Variants in CLIP2 observed in about 807,000 individuals in gnomAD.
The protein encoded by CLIP2 is CAP-Gly domain containing linker protein 2.
CLIP2 carries 41 observed loss-of-function variants against 111.7 expected under a neutral mutation model. The observed-to-expected ratio is 0.37, with a 90% CI of 0.29 to 0.48. The LOEUF is 0.48. Ranked by LOEUF, CLIP2 falls within the 20% of genes least tolerant of loss-of-function variation. The pLI, the probability that CLIP2 is intolerant of heterozygous loss-of-function variation, is 0.99. For synonymous variants in CLIP2, 660 were observed against 644.2 expected, an observed-to-expected ratio of 1.02 and a Z score of -0.37; for missense variants, 1,160 against 1,422.1, an observed-to-expected ratio of 0.82 and a Z score of 2.96.
chr7:74,339,043 C>T, intron 3 of CLIP2, 39 bp downstream of exon 3: 1 of 1,551,626 alleles, frequency 6.4e-7, no homozygotes, highest in East Asian at 2.3e-5. Context: ...CCCAGCTTCC[C>T]TTCCCTCCCC....
At chr7:74,317,818 A>T in intron 2 of CLIP2, 151 bp downstream of exon 2, 1 of 1,046,868 alleles carries the variant, frequency 9.6e-7, no homozygotes. Flanking sequence ...CCTGATCAAC[A>T]CTGGGAGGTT....
intron 1 of CLIP2, among the ~76,000 whole-genome samples, chr7:74,299,366 A>AAGGC (rs1554726451): frequency 7.1e-6 from 1 of 141,794 alleles, no homozygotes. Context: ...TAAATAAATA[A>AAGGC]AGGCCCTGCC....
At chr7:74,385,595 G>A (rs963472788) in intron 11 of CLIP2, among the ~76,000 whole-genome samples, 44 of 152,076 alleles carry the variant, frequency 2.9e-4, no homozygotes, top group African/African-American at 1.0e-3. Flanking sequence ...TTATGGCTGT[G>A]AGGAGCACCC....
chr7:74,313,996 A>G (rs1554728822), intron 1 of CLIP2, among the ~76,000 whole-genome samples: 1 of 152,078 alleles, frequency 6.6e-6, no homozygotes, highest in Non-Finnish European at 1.5e-5. Context: ...CAGGCTGGCC[A>G]AGATGGCAGA....
intron 5 of CLIP2, 150 bp from the exon 6 acceptor site, chr7:74,357,130 A>G: frequency 1.6e-6 from 1 of 643,418 alleles, no homozygotes; most frequent in Non-Finnish European, 2.8e-6. Context: ...CCAGGATGTC[A>G]GAGTACTGGC....
rs1397097000 is a variant in CLIP2, at chr7:74,361,112, T to TTCCCTCCCTCCC, written c.1319+842_1319+853dup. Among the ~76,000 whole-genome samples the TTCCCTCCCTCCC allele has an allele frequency of 3.9e-4, 58 of 148,772 alleles. 1 individual carries two copies. The highest frequency in any genetic ancestry group is 1.3e-3 in the African/African-American group (53 of 40,376). On this transcript the variant is annotated intron_variant, in intron 7 of 16. Coordinates refer to ENST00000223398, the MANE Select transcript of CLIP2 (RefSeq NM_003388.5). ...GTCCTGGGAATCCATTTCCCCTTTT[T>TTCCCTCCCTCCC]TCCCTCCCTCCCTCCCTCCATTCAT...
At chr7:74,337,305 G>A (rs1023773512) in intron 2 of CLIP2, among the ~76,000 whole-genome samples, 47 of 152,128 alleles carry the variant, frequency 3.1e-4, no homozygotes, top group South Asian at 1.2e-3. Flanking sequence ...CCTGTCCCAA[G>A]AGAGACAGAA....
At chr7:74,361,709 C>T (rs1465475968) in intron 7 of CLIP2, among the ~76,000 whole-genome samples, 2 of 152,238 alleles carry the variant, frequency 1.3e-5, no homozygotes, top group East Asian at 1.9e-4. Flanking sequence ...TCTCATTTTA[C>T]ACATCAGGAA....
intron 2 of CLIP2, among the ~76,000 whole-genome samples, chr7:74,330,543 C>T (rs544690651): frequency 6.6e-6 from 1 of 152,162 alleles, no homozygotes; most frequent in Admixed American, 6.6e-5. Context: ...AGGTGTGAGC[C>T]ACCACACCCA....
rs1298966757 is a variant in CLIP2 at position 74,349,466 on chromosome 7, GTGTGTATATATATATATATATA to G, written c.679-4412_679-4391del. 2.6e-3 allele frequency among the ~76,000 whole-genome samples: 198 copies of G among 77,504 alleles called. 1 individual carries two copies. The highest frequency in any genetic ancestry group is 8.9e-3 in the African/African-American group (187 of 21,048). The allele number at this position is 77,504 out of a possible 152,430, so 50.8% of individuals were successfully genotyped here. On this transcript the variant is annotated intron_variant, in intron 3 of 16. Transcript: ENST00000223398. ...AAAAAAAGTATGTATGTGTGTGTGT[GTGTGTATATATATATATATATA>G]TATATATATATATATATATATATGT...
At chr7:74,333,252 C>T (rs1554731594) in intron 2 of CLIP2, among the ~76,000 whole-genome samples, 1 of 143,844 alleles carries the variant, frequency 7.0e-6, no homozygotes, top group Non-Finnish European at 1.5e-5. Flanking sequence ...GATGCGATTT[C>T]AGCTCACTGA....
intron 2 of CLIP2, among the ~76,000 whole-genome samples, chr7:74,327,291 TG>T (rs1394347631): frequency 6.6e-6 from 1 of 151,734 alleles, no homozygotes. Flanking sequence ...TTAGTAGAGT[TG>T]GGGTTTCACC....
chr7:74,368,155 G>C (rs1375897724), intron 8 of CLIP2, among the ~76,000 whole-genome samples: 3 of 152,176 alleles, frequency 2.0e-5, no homozygotes, highest in Non-Finnish European at 4.4e-5. Context: ...TGAGGCTGCA[G>C]TGAGCTGTGA....
At chr7:74,396,455 G>A (rs1400447975) in intron 13 of CLIP2, among the ~76,000 whole-genome samples, 1 of 116,194 alleles carries the variant, frequency 8.6e-6, no homozygotes, top group Non-Finnish European at 1.9e-5. Context: ...AAATGTTTTG[G>A]GGTTATGTGT....
intron 1 of CLIP2, among the ~76,000 whole-genome samples, chr7:74,290,646 AG>A (rs782509084): frequency 1.7e-4 from 26 of 151,860 alleles, no homozygotes; most frequent in Middle Eastern, 3.4e-3. Context: ...GTCTGGGATG[AG>A]GGGGTCTGCC....
chr7:74,385,105 T>C, intron 11 of CLIP2, among the ~76,000 whole-genome samples: 1 of 141,686 alleles, frequency 7.1e-6, no homozygotes, highest in Non-Finnish European at 1.5e-5. Flanking sequence ...GGTGAAACCC[T>C]GTCTCTATTA....
At chr7:74,357,214 C>A in intron 5 of CLIP2, 66 bp from the exon 6 acceptor site, 2 of 1,454,536 alleles carry the variant, frequency 1.4e-6, no homozygotes, top group African/African-American at 1.4e-5. Flanking sequence ...TTAGGCTGGA[C>A]AGAGCCAGTC....
chr7:74,392,012 G>A (rs1554315918), intron 13 of CLIP2, among the ~76,000 whole-genome samples: 1 of 151,970 alleles, frequency 6.6e-6, no homozygotes, highest in Non-Finnish European at 1.5e-5. Context: ...TTCAAGACCA[G>A]CCTGGGCAAC....
intron 10 of CLIP2, among the ~76,000 whole-genome samples, chr7:74,378,273 G>T (rs1328049577): frequency 6.6e-6 from 1 of 151,492 alleles, no homozygotes; most frequent in Non-Finnish European, 1.5e-5. Context: ...GACCACAGGT[G>T]TGCCCCACCA....
Sources: gnomAD v4.1 joint callset for allele counts (sites outside exome capture counted in the v4.1 genomes callset) on GRCh38, gnomAD v4.1.1 for gene constraint, MANE v1.5 for transcripts, NCBI Gene and HGNC (gene_info 2026-07-23, HGNC 2026-07-21) for gene names.